Variants in FLT3 observed in about 807,000 individuals in gnomAD.
FLT3 encodes receptor-type tyrosine-protein kinase FLT3.
A neutral mutation model predicts 126.6 loss-of-function variants in FLT3; 46 were observed. The ratio of observed to expected loss-of-function variants is 0.36; its 90% CI spans 0.29 to 0.46. The LOEUF (loss-of-function observed/expected upper bound fraction) is 0.46. FLT3 is among the 20% of genes least tolerant of loss of function. The probability of loss-of-function intolerance (pLI) is 1.00; values close to 1 mark genes in which losing one functional copy is unlikely to be tolerated. For missense variants in FLT3, 1,069 were observed against 1,190.3 expected (o/e 0.90, Z 1.50); for synonymous variants, 404 against 434.4 (o/e 0.93, Z 0.87).
intron 9 of FLT3, among the ~76,000 whole-genome samples, chr13:28,043,121 A>C (rs1874531120): frequency 6.6e-6 from 1 of 152,120 alleles, no homozygotes; most frequent in African/African-American, 2.4e-5. Context: ...AAAGGAAAAC[A>C]TCAGGCTTAG....
intron 8 of FLT3, among the ~76,000 whole-genome samples, 173 bp downstream of exon 8, chr13:28,049,211 G>A (rs149308734): frequency 1.3e-5 from 2 of 152,256 alleles, no homozygotes; most frequent in African/African-American, 2.4e-5. Flanking sequence ...CTGGTTTAAC[G>A]GGAAAAGGAA....
At chr13:28,062,250 AG>A (rs927996016) in intron 2 of FLT3, among the ~76,000 whole-genome samples, 181 bp from the exon 3 acceptor site, 2 of 152,194 alleles carry the variant, frequency 1.3e-5, no homozygotes, top group African/African-American at 4.8e-5. Context: ...AATTCTCTAA[AG>A]AAAAGATAAA....
intron 2 of FLT3, among the ~76,000 whole-genome samples, chr13:28,066,674 T>C (rs1877065999): frequency 6.6e-6 from 1 of 151,876 alleles, no homozygotes; most frequent in Non-Finnish European, 1.5e-5. Flanking sequence ...ATTGAATAAA[T>C]ACATAAATAA....
At position 28,066,039 on chromosome 13, in the gene FLT3, G is replaced by A. The variant is rs951568192; in HGVS notation, c.166-3970C>T. Among the ~76,000 whole-genome samples, 10 of 151,970 alleles carry A rather than the reference G, an allele frequency of 6.6e-5. No individual in the cohort carries two copies. In the East Asian group the frequency reaches 1.9e-3, roughly 29 times the overall value. On this transcript the variant is annotated intron_variant, in intron 2 of 23. Coordinates refer to ENST00000241453, the MANE Select transcript of FLT3 (RefSeq NM_004119.3). ...CTAGAATATGTGAAATGAGGGGGCT[G>A]GAAGAAATATCAAGACGGAATACGA...
chr13:28,061,403 T>C (rs983621037), intron 3 of FLT3, among the ~76,000 whole-genome samples: 2 of 151,628 alleles, frequency 1.3e-5, no homozygotes, highest in African/African-American at 2.4e-5. Flanking sequence ...TTGACAGATA[T>C]ATAATGTCAT....
At chr13:28,066,992 C>T (rs1299114602) in intron 2 of FLT3, among the ~76,000 whole-genome samples, 2 of 152,204 alleles carry the variant, frequency 1.3e-5, no homozygotes, top group Non-Finnish European at 2.9e-5. Flanking sequence ...TCCTGTCACT[C>T]TGAATATGAT....
At chr13:28,076,648 G>A (rs1877943794) in intron 1 of FLT3, among the ~76,000 whole-genome samples, 1 of 152,202 alleles carries the variant, frequency 6.6e-6, no homozygotes, top group South Asian at 2.1e-4. Context: ...AGAAGGCAGT[G>A]TTTGTAGCAT....
intron 1 of FLT3, among the ~76,000 whole-genome samples, chr13:28,093,336 C>T (rs1879249354): frequency 6.6e-6 from 1 of 151,926 alleles, no homozygotes; most frequent in South Asian, 2.1e-4. Flanking sequence ...GGCATGGATC[C>T]CCACGTCAGA....
chr13:28,050,245 A>C, intron 5 of FLT3, 23 bp from the exon 6 acceptor site: 1 of 1,612,424 alleles, frequency 6.2e-7, no homozygotes, highest in Non-Finnish European at 8.5e-7. Context: ...AAGAAGTACC[A>C]TTTGGCTAAA....
intron 10 of FLT3, 60 bp downstream of exon 10, chr13:28,037,125 G>T: frequency 1.0e-6 from 1 of 998,038 alleles, no homozygotes. Flanking sequence ...TCCTAGTTAA[G>T]ACTAATAAAA....
Position 28,007,926 on chromosome 13 carries a change from CTG to C in FLT3, c.2860-3754_2860-3753del, listed in dbSNP as rs934694390. Among the ~76,000 whole-genome samples the C allele has an allele frequency of 3.9e-5, 6 of 152,274 alleles. 1 individual carries two copies. The highest frequency in any genetic ancestry group is 1.4e-4 in the African/African-American group (6 of 41,546). On this transcript the variant is annotated intron_variant, in intron 23 of 23. Transcript: ENST00000241453. Reference sequence around the variant, plus strand: ...TATTATTTTGCTGTTGCTACTTCCTCTGTGTCATTAAATCTGGCTATATCTCT... The same window carrying C: ...TATTATTTTGCTGTTGCTACTTCCTCTGTCATTAAATCTGGCTATATCTCT...
At chr13:28,071,202 G>A (rs1194932490) in intron 1 of FLT3, among the ~76,000 whole-genome samples, 1 of 150,942 alleles carries the variant, frequency 6.6e-6, no homozygotes, top group East Asian at 1.9e-4. Flanking sequence ...TAGAGACGGG[G>A]TATCGCCACG....
chr13:28,078,459 C>A (rs1425131891), intron 1 of FLT3, among the ~76,000 whole-genome samples: 3 of 152,206 alleles, frequency 2.0e-5, no homozygotes, highest in African/African-American at 7.2e-5. Context: ...TCCCTTTCAG[C>A]CATGGATGGA....
intron 3 of FLT3, among the ~76,000 whole-genome samples, 200 bp downstream of exon 3, chr13:28,061,667 G>A (rs762570211): frequency 6.6e-6 from 1 of 151,888 alleles, no homozygotes; most frequent in Non-Finnish European, 1.5e-5. Flanking sequence ...CTACTTGGGA[G>A]GACTGGGGTG....
At chr13:28,022,032 C>T (rs959787296) in intron 19 of FLT3, among the ~76,000 whole-genome samples, 2 of 151,814 alleles carry the variant, frequency 1.3e-5, no homozygotes, top group African/African-American at 2.4e-5. Context: ...CTACCACGCC[C>T]GGCTGCCTAT....
chr13:28,015,025 A>C, intron 22 of FLT3, 132 bp downstream of exon 22: 1 of 620,604 alleles, frequency 1.6e-6, no homozygotes, highest in South Asian at 2.0e-5. Flanking sequence ...GCAAGACCTC[A>C]CTTCTATTTT....
At chr13:28,035,745 G>A (rs571778289) in intron 11 of FLT3, 72 bp from the exon 12 acceptor site, 150 of 1,478,448 alleles carry the variant, frequency 1.0e-4, no homozygotes, top group African/African-American at 7.7e-4. Flanking sequence ...TTTCTGCAGC[G>A]AGTTCTAAAA....
chr13:28,009,124 G>A (rs888224007), intron 23 of FLT3, among the ~76,000 whole-genome samples: 5 of 151,020 alleles, frequency 3.3e-5, no homozygotes, highest in African/African-American at 9.7e-5. Context: ...CTACAAGCTT[G>A]CACCACCACA....
At chr13:28,008,526 C>T (rs1871110674) in intron 23 of FLT3, among the ~76,000 whole-genome samples, 1 of 152,040 alleles carries the variant, frequency 6.6e-6, no homozygotes, top group Non-Finnish European at 1.5e-5. Flanking sequence ...CACTCCCAGG[C>T]TGGAGTGCAA....
Sources: allele counts gnomAD v4.1 joint callset (sites outside exome capture counted in the v4.1 genomes callset), GRCh38; gene constraint gnomAD v4.1.1; transcripts MANE v1.5; gene names NCBI Gene and HGNC (gene_info 2026-07-23, HGNC 2026-07-21).